Variants in HPGD observed in about 807,000 individuals in gnomAD.
The protein encoded by HPGD is 15-hydroxyprostaglandin dehydrogenase, also known as 15-hydroxyprostaglandin dehydrogenase [NAD(+)].
A neutral mutation model predicts 30.0 loss-of-function variants in HPGD; 29 were observed. The observed-to-expected ratio is 0.97, with a 90% CI of 0.72 to 1.32. The LOEUF (loss-of-function observed/expected upper bound fraction) is 1.32. Ranked by LOEUF, HPGD falls within the 40% of genes most tolerant of loss-of-function variation. HPGD has a pLI of 0.00. For missense variants in HPGD, 340 were observed against 322.1 expected, an observed-to-expected ratio of 1.06 and a Z score of -0.43; for synonymous variants, 99 against 112.4, an observed-to-expected ratio of 0.88 and a Z score of 0.75.
rs540991121 is a variant in HPGD, at chr4:174,509,145, T to A, written c.325-353A>T. Among the ~76,000 whole-genome samples the A allele has an allele frequency of 1.9e-3, 284 of 152,298 alleles. 1 individual carries two copies. Among genetic ancestry groups the A allele is most frequent in the Middle Eastern group, 3.4e-3 (1 of 294 alleles). Reference sequence around the variant, plus strand: ...GTTTTCTAAATGTTGGATGCAAAATTTATTTACCCTTCTTCTCTGCATATG... The same window carrying A: ...GTTTTCTAAATGTTGGATGCAAAATATATTTACCCTTCTTCTCTGCATATG... On this transcript the variant is annotated intron_variant, in intron 3 of 6. Transcript: ENST00000296522.
intron 3 of HPGD, among the ~76,000 whole-genome samples, chr4:174,515,935 A>G (rs747772729): frequency 6.6e-6 from 1 of 152,310 alleles, no homozygotes; most frequent in Non-Finnish European, 1.5e-5. Flanking sequence ...ATGAAATACA[A>G]TTTCACAGCG....
At chr4:174,512,291 C>T (rs1019433443) in intron 3 of HPGD, among the ~76,000 whole-genome samples, 2 of 152,102 alleles carry the variant, frequency 1.3e-5, no homozygotes, top group African/African-American at 4.8e-5. Context: ...CAATAGTTTT[C>T]TGCCTTGAAA....
At chr4:174,503,315 G>A (rs1351373571) in intron 4 of HPGD, among the ~76,000 whole-genome samples, 1 of 152,110 alleles carries the variant, frequency 6.6e-6, no homozygotes, top group Admixed American at 6.5e-5. Context: ...TCCACTCTAT[G>A]ACACAGGCTA....
intron 4 of HPGD, chr4:174,508,116 G>C (rs1171570687): frequency 1.4e-6 from 1 of 702,184 alleles, no homozygotes; most frequent in South Asian, 1.5e-5. Context: ...AACCCTGGGA[G>C]CTCCCTGCTG....
chr4:174,493,633 T>C (rs1188747183), intron 5 of HPGD, among the ~76,000 whole-genome samples: 4 of 152,184 alleles, frequency 2.6e-5, no homozygotes, highest in Admixed American at 2.0e-4. Flanking sequence ...TTAGAATCGA[T>C]ATCCCAAGTG....
chr4:174,522,119 G>T (rs780764234), intron 1 of HPGD, 52 bp from the exon 2 acceptor site: 4 of 1,612,808 alleles, frequency 2.5e-6, no homozygotes, highest in Non-Finnish European at 3.4e-6. Context: ...CGAAATAGAC[G>T]GACAAACAAT....
intron 3 of HPGD, among the ~76,000 whole-genome samples, chr4:174,517,347 T>C (rs1480081074): frequency 6.6e-6 from 1 of 152,170 alleles, no homozygotes; most frequent in East Asian, 1.9e-4. Flanking sequence ...AGTTCGATTG[T>C]CACTTTAATT....
At chr4:174,507,926 G>C (rs1579289012) in intron 4 of HPGD, 1 of 541,742 alleles carries the variant, frequency 1.8e-6, no homozygotes, top group South Asian at 2.8e-5. Flanking sequence ...CACACAGCTA[G>C]ACTGCATTTC....
chr4:174,515,004 A>G (rs1296365712), intron 3 of HPGD, among the ~76,000 whole-genome samples: 1 of 152,166 alleles, frequency 6.6e-6, no homozygotes, highest in Non-Finnish European at 1.5e-5. Flanking sequence ...ACACTACTGA[A>G]AGGAATCAGA....
Position 174,508,734 on chromosome 4 carries a change from C to A in HPGD, c.383G>T (p.Gly128Val), listed in dbSNP as rs1459363943. The A allele has an allele frequency of 1.2e-6, 2 of 1,610,594 alleles. No homozygotes were observed. Among genetic ancestry groups the A allele is most frequent in the Non-Finnish European group, 1.7e-6 (2 of 1,177,184 alleles). ...GLDYMSKQNG[G>V]EGGIIINMSS... ...CATATTGATAATGATGCCGCCTTCA[C>A]CTCCATTTTGCTTACTCATGTAATC... Residue 128 changes from glycine to valine, a missense_variant, in exon 4 of 7, where the codon GGT (glycine) becomes GTT (valine). By Grantham distance (109) the Gly-to-Val change is moderately radical. Transcript: ENST00000296522.
At chr4:174,518,149 A>G (rs112048298) in intron 2 of HPGD, 72 bp from the exon 3 acceptor site, 3 of 765,354 alleles carry the variant, frequency 3.9e-6, no homozygotes, top group Non-Finnish European at 6.8e-6. Flanking sequence ...GTCCTATGCC[A>G]TGAGAGGAAT....
In HPGD at chr4:174,496,792, AT is replaced by A. The variant is rs1734617868; in HGVS notation, c.422-1169del. On this transcript the variant is annotated intron_variant, in intron 4 of 6. Coordinates refer to ENST00000296522, the MANE Select transcript of HPGD (RefSeq NM_000860.6). This position sits in a 1 kb window ranked among gnomAD's most constrained non-coding sequence, Gnocchi z 4.6. ...CAAAGTTCAGCAATAAATGCAGACCATAACCACTCCCTGGGTGCCTGCCAGG... is the reference window on the plus strand; with the variant it reads ...CAAAGTTCAGCAATAAATGCAGACCAAACCACTCCCTGGGTGCCTGCCAGG... Among the ~76,000 whole-genome samples the A allele has an allele frequency of 1.3e-5, 2 of 152,220 alleles. No homozygotes were observed. The highest frequency in any genetic ancestry group is 6.5e-5 in the Admixed American group (1 of 15,292).
intron 3 of HPGD, among the ~76,000 whole-genome samples, chr4:174,509,171 G>C (rs1274722110): frequency 6.6e-6 from 1 of 152,000 alleles, no homozygotes; most frequent in East Asian, 1.9e-4. Flanking sequence ...TCTGCATATG[G>C]TTCTCATGTC....
At chr4:174,497,558 C>CTTTTTTTTTTTTTTTTTTTTT (rs1206407147) in intron 4 of HPGD, among the ~76,000 whole-genome samples, 1 of 50,716 alleles carries the variant, frequency 2.0e-5, no homozygotes, top group Non-Finnish European at 4.5e-5. Flanking sequence ...TCTTTTCTTT[C>CTTTTTTTTTTTTTTTTTTTTT]TTTTTCTTTC....
intron 4 of HPGD, among the ~76,000 whole-genome samples, chr4:174,502,343 G>A (rs1332882566): frequency 6.6e-6 from 1 of 152,092 alleles, no homozygotes; most frequent in Non-Finnish European, 1.5e-5. Context: ...ATTCTTATGG[G>A]TGCCATTAAG....
rs973936017 is a variant in HPGD at position 174,491,265 on chromosome 4, T to C, written c.*691A>G. The C allele has an allele frequency of 2.0e-5, 3 of 152,742 alleles. No individual in the cohort carries two copies. The highest frequency in any genetic ancestry group is 4.4e-5 in the Non-Finnish European group (3 of 67,984). The allele number at this position is 152,742 out of a possible 1,614,324, so 9.5% of individuals were successfully genotyped here. On this transcript the variant is annotated 3_prime_UTR_variant, in exon 7 of 7. Transcript: ENST00000296522. The stretch of plus-strand genomic sequence containing the variant: ...TTAAAAGTTTAATTCCTGAGATTTT[T>C]GGAGTCGGTAAAAGTTCTTAAAGTG...
intron 1 of HPGD, 38 bp downstream of exon 1, chr4:174,522,321 T>A (rs749185680): frequency 5.9e-6 from 9 of 1,523,922 alleles, no homozygotes; most frequent in Middle Eastern, 3.8e-4. Flanking sequence ...TCGGAGTGTG[T>A]GGGCAGAGAA....
chr4:174,497,558 C>CTTTTTTTTTTTTTTTT (rs1206407147), intron 4 of HPGD, among the ~76,000 whole-genome samples: 1 of 50,716 alleles, frequency 2.0e-5, no homozygotes, highest in South Asian at 6.6e-4. Flanking sequence ...TCTTTTCTTT[C>CTTTTTTTTTTTTTTTT]TTTTTCTTTC....
rs1009761806 is a variant in HPGD at position 174,490,719 on chromosome 4, C to T, written c.*1237G>A. 1 of 152,278 alleles carries T rather than the reference C, an allele frequency of 6.6e-6. No individual in the cohort carries two copies. The highest frequency in any genetic ancestry group is 1.5e-5 in the Non-Finnish European group (1 of 68,008). 9.4% of individuals were successfully genotyped at this position (152,278 alleles called of 1,614,324 possible). Reference sequence around the variant, plus strand: ...AAGATATGACAACATTCCAGTACTTCTAGGAAATCCATATCAATCTCACAT... The same window carrying T: ...AAGATATGACAACATTCCAGTACTTTTAGGAAATCCATATCAATCTCACAT... On this transcript the variant is annotated 3_prime_UTR_variant, in exon 7 of 7. Coordinates refer to ENST00000296522, the MANE Select transcript of HPGD (RefSeq NM_000860.6). The surrounding 1 kb of genome is among the most constrained non-coding windows in gnomAD (Gnocchi z 4.4).
Sources: allele counts gnomAD v4.1 joint callset (sites outside exome capture counted in the v4.1 genomes callset), GRCh38; gene constraint gnomAD v4.1.1; non-coding constraint Gnocchi (gnomAD v3.1); transcripts MANE v1.5; gene names NCBI Gene and HGNC (gene_info 2026-07-23, HGNC 2026-07-21).